TENM3: variants seen among roughly 807,000 people sequenced by gnomAD.
The protein encoded by TENM3 is teneurin transmembrane protein 3, also known as teneurin-3.
In TENM3, 63 loss-of-function variants were observed where a neutral mutation model predicts 255.1. That is an observed-to-expected ratio of 0.25 (90% confidence interval 0.20 to 0.30). The LOEUF is 0.30. Ranked by LOEUF, TENM3 falls within the 10% of genes least tolerant of loss-of-function variation. TENM3 has a pLI of 1.00. For synonymous variants in TENM3, 1,306 were observed against 1,322.3 expected (o/e 0.99, Z 0.27); for missense variants, 2,929 against 3,461.1 (o/e 0.85, Z 3.86).
At chr4:181,557,531 C>A in the TENM3 span, among the ~76,000 whole-genome samples, 2 of 151,874 alleles carry the variant, frequency 1.3e-5, no homozygotes, top group Non-Finnish European at 2.9e-5. Flanking sequence ...TATTTCTTTT[C>A]TTTTTTTTCT....
At chr4:181,892,948 C>A in the TENM3 span, among the ~76,000 whole-genome samples, 1 of 152,164 alleles carries the variant, frequency 6.6e-6, no homozygotes, top group African/African-American at 2.4e-5. Context: ...TGTGTGAATT[C>A]TACCATTGAA....
chr4:182,350,724 G>A (rs936789889), intron 3 of TENM3, among the ~76,000 whole-genome samples: 11 of 152,076 alleles, frequency 7.2e-5, no homozygotes, highest in East Asian at 1.9e-4. Context: ...TTGCTCTGTC[G>A]CCCAGGCTGG....
chr4:182,729,268 T>A, intron 14 of TENM3, 87 bp downstream of exon 14: 1 of 1,137,402 alleles, frequency 8.8e-7, no homozygotes, highest in Non-Finnish European at 1.3e-6. Flanking sequence ...ACTGTGAACC[T>A]GAGGAAAGTG....
intron 19 of TENM3, among the ~76,000 whole-genome samples, chr4:182,745,885 C>G (rs1327167675): frequency 6.6e-6 from 1 of 152,012 alleles, no homozygotes; most frequent in Non-Finnish European, 1.5e-5. Flanking sequence ...TGTACTAACT[C>G]CTGGTGTTTG....
the TENM3 span, among the ~76,000 whole-genome samples, chr4:181,523,182 T>C: frequency 6.6e-6 from 1 of 152,148 alleles, no homozygotes; most frequent in African/African-American, 2.4e-5. Flanking sequence ...GCTTTACCAA[T>C]CTCAACATTT....
chr4:181,726,837 A>T, the TENM3 span, among the ~76,000 whole-genome samples: 1 of 152,200 alleles, frequency 6.6e-6, no homozygotes, highest in Non-Finnish European at 1.5e-5. Flanking sequence ...TTCTACCTGC[A>T]CTTCTGACCA....
chr4:182,233,708 G>C (rs1408898692), intron 1 of TENM3, among the ~76,000 whole-genome samples: 9 of 151,960 alleles, frequency 5.9e-5, no homozygotes, highest in African/African-American at 2.2e-4. Flanking sequence ...CCCAACTTTG[G>C]GTAAATTCTT....
chr4:181,790,429 TAAC>T, the TENM3 span, among the ~76,000 whole-genome samples: 1 of 152,218 alleles, frequency 6.6e-6, no homozygotes, highest in Non-Finnish European at 1.5e-5. Context: ...AAGCGAACTC[TAAC>T]AACAATTAAT....
the TENM3 span, among the ~76,000 whole-genome samples, chr4:181,989,261 A>G: frequency 6.6e-6 from 1 of 152,052 alleles, no homozygotes; most frequent in East Asian, 1.9e-4. Flanking sequence ...CTAGAAAAAC[A>G]AGGAGCAGCT....
chr4:181,964,975 G>T, the TENM3 span, among the ~76,000 whole-genome samples: 1 of 152,192 alleles, frequency 6.6e-6, no homozygotes, highest in East Asian at 1.9e-4. Context: ...AAGTGTCTAC[G>T]CCAGTGAAAC....
chr4:182,142,774 G>C (rs915968035), upstream of TENM3: 7 of 164,348 alleles, frequency 4.3e-5, no homozygotes, highest in Non-Finnish European at 8.8e-5. Context: ...GCGGGGAGAT[G>C]CTCGGGCGCG....
chr4:182,529,400 A>C (rs755180966), intron 3 of TENM3, among the ~76,000 whole-genome samples: 7 of 152,124 alleles, frequency 4.6e-5, no homozygotes, highest in Non-Finnish European at 8.8e-5. Flanking sequence ...CTTTCTTATC[A>C]CTTAGGAGTT....
At position 182,731,142 on chromosome 4, in the gene TENM3, A is replaced by G. The variant is rs1297076668; in HGVS notation, c.2967+3A>G. 7.4e-6 allele frequency: 12 copies of G among 1,612,404 alleles called. No homozygotes were observed. Among genetic ancestry groups the G allele is most frequent in the Admixed American group, 1.7e-5 (1 of 59,994 alleles). ...GTCCCATCATTCCCGAAACACAGGT[A>G]AAATATTCTCACAGGCAGTACTTGT... On this transcript the variant is annotated splice_donor_region_variant and intron_variant, in intron 16 of 27. Transcript: ENST00000511685.
At chr4:181,729,050 C>T in the TENM3 span, among the ~76,000 whole-genome samples, 1 of 151,960 alleles carries the variant, frequency 6.6e-6, no homozygotes, top group Non-Finnish European at 1.5e-5. Flanking sequence ...CAAAATAAAC[C>T]AGACATAGAG....
the TENM3 span, among the ~76,000 whole-genome samples, chr4:181,892,064 C>T: frequency 6.6e-6 from 1 of 152,130 alleles, no homozygotes; most frequent in Non-Finnish European, 1.5e-5. Context: ...CTGCCAATGC[C>T]TTGATCTTGG....
the TENM3 span, among the ~76,000 whole-genome samples, chr4:181,490,997 T>C: frequency 6.6e-6 from 1 of 152,176 alleles, no homozygotes; most frequent in Non-Finnish European, 1.5e-5. Context: ...GCAATGTATT[T>C]TAAAATTAAA....
chr4:182,303,643 G>A (rs980440327), intron 1 of TENM3, among the ~76,000 whole-genome samples: 1 of 151,986 alleles, frequency 6.6e-6, no homozygotes, highest in African/African-American at 2.4e-5. Context: ...TGGGGGGGGT[G>A]ACTTAATTTC....
chr4:181,558,404 C>G, the TENM3 span, among the ~76,000 whole-genome samples: 1 of 152,178 alleles, frequency 6.6e-6, no homozygotes, highest in South Asian at 2.1e-4. Context: ...CATGAATAAA[C>G]AGTTTGGCCA....
At chr4:181,478,104 T>C in the TENM3 span, among the ~76,000 whole-genome samples, 1 of 152,230 alleles carries the variant, frequency 6.6e-6, no homozygotes. Context: ...TTATCCTTAA[T>C]GGGACAGAGC....
Sources: gnomAD v4.1 joint callset for allele counts (sites outside exome capture counted in the v4.1 genomes callset) on GRCh38, gnomAD v4.1.1 for gene constraint, MANE v1.5 for transcripts, NCBI Gene and HGNC (gene_info 2026-07-23, HGNC 2026-07-21) for gene names.